UGGT2: variants seen among roughly 807,000 people sequenced by gnomAD.
The protein encoded by UGGT2 is UDP-glucose glycoprotein glucosyltransferase 2, also known as UDP-glucose:glycoprotein glucosyltransferase 2.
In UGGT2, 180 loss-of-function variants were observed where a neutral mutation model predicts 192.1. The observed-to-expected ratio is 0.94, with a 90% confidence interval of 0.83 to 1.06. The LOEUF is 1.06. Among genes scored for constraint, UGGT2 ranks in the 50% least tolerant of loss-of-function variants. UGGT2 has a pLI of 0.00. For missense variants in UGGT2, 1,849 were observed against 1,795.7 expected (o/e 1.03, Z -0.54); for synonymous variants, 580 against 591.0 (o/e 0.98, Z 0.27).
chr13:95,942,952 G>A (rs1337611122), intron 15 of UGGT2, among the ~76,000 whole-genome samples: 9 of 152,044 alleles, frequency 5.9e-5, no homozygotes, highest in Admixed American at 5.9e-4. Flanking sequence ...TTTACACAAG[G>A]TGTAAAGTCT....
intron 36 of UGGT2, among the ~76,000 whole-genome samples, chr13:95,843,177 G>T (rs1018559170): frequency 6.6e-6 from 1 of 152,154 alleles, no homozygotes; most frequent in Admixed American, 6.5e-5. Flanking sequence ...AAGTTAAACT[G>T]TAAAAGAAAT....
At chr13:95,837,009 T>A (rs1389890331) in intron 37 of UGGT2, 77 bp downstream of exon 37, 3 of 1,160,190 alleles carry the variant, frequency 2.6e-6, no homozygotes, top group African/African-American at 3.1e-5. Flanking sequence ...CCACTCCCTT[T>A]GTAAAACAGA....
chr13:95,890,402 GCT>G (rs1331932278), intron 25 of UGGT2, among the ~76,000 whole-genome samples: 1 of 152,124 alleles, frequency 6.6e-6, no homozygotes, highest in Non-Finnish European at 1.5e-5. Context: ...TCTGGAGAGA[GCT>G]CTCTTTCTAG....
intron 7 of UGGT2, among the ~76,000 whole-genome samples, chr13:95,993,406 A>T (rs59735887): frequency 0.021 from 3,265 of 152,266 alleles, 115 homozygotes; most frequent in African/African-American, 0.075. Context: ...GAAATAAAAT[A>T]AAATTAAATT....
chr13:96,052,389 G>T (rs568712406), intron 1 of UGGT2, among the ~76,000 whole-genome samples: 89 of 151,996 alleles, frequency 5.9e-4, no homozygotes, highest in Admixed American at 1.4e-3. Context: ...GGGGTGATGG[G>T]TGTACCAAAA....
At chr13:95,906,447 G>GA (rs1366901617) in intron 20 of UGGT2, among the ~76,000 whole-genome samples, 1 of 151,912 alleles carries the variant, frequency 6.6e-6, no homozygotes, top group Non-Finnish European at 1.5e-5. Context: ...TAAAAAGACT[G>GA]AAAAAAATGA....
At chr13:96,004,477 T>C (rs1245910338) in intron 5 of UGGT2, among the ~76,000 whole-genome samples, 4 of 152,100 alleles carry the variant, frequency 2.6e-5, no homozygotes, top group African/African-American at 9.7e-5. Flanking sequence ...GGTATAAAAA[T>C]ACAGTTAGGA....
rs770491985 is a variant in UGGT2 at position 95,887,959 on chromosome 13, T to C, written c.2971A>G (p.Ile991Val). The C allele has an allele frequency of 1.2e-6, 2 of 1,601,486 alleles. No individual in the cohort carries two copies. The highest frequency in any genetic ancestry group is 2.3e-5 in the South Asian group (2 of 88,104). The change falls in exon 26 of 39, where the codon ATT becomes GTT. Residue 991 changes from isoleucine to valine, a missense_variant. Ile to Val is a conservative substitution (Grantham distance 29). Transcript: ENST00000376747. ...MAQLLVVLGK[I>V]INMKIKLFMN... ...AACAACTTTATCTTCATGTTGATAA[T>C]CTTGCCAAGTACCTATTGGAAAGAA...
At chr13:96,006,575 G>C (rs995767167) in intron 5 of UGGT2, among the ~76,000 whole-genome samples, 3 of 131,420 alleles carry the variant, frequency 2.3e-5, no homozygotes, top group African/African-American at 8.9e-5. Flanking sequence ...AGTGAGCTGA[G>C]ATTGCACCAC....
At chr13:96,011,963 T>A (rs2052175446) in intron 5 of UGGT2, among the ~76,000 whole-genome samples, 1 of 152,092 alleles carries the variant, frequency 6.6e-6, no homozygotes, top group East Asian at 1.9e-4. Context: ...CAACTAATTC[T>A]AAAATTAACA....
intron 17 of UGGT2, among the ~76,000 whole-genome samples, chr13:95,933,348 G>C (rs910586894): frequency 6.6e-6 from 1 of 152,148 alleles, no homozygotes; most frequent in African/African-American, 2.4e-5. Context: ...AGATTTTCCA[G>C]TTTGTATGCA....
At chr13:95,901,295 C>T (rs1301997292) in intron 21 of UGGT2, among the ~76,000 whole-genome samples, 1 of 151,926 alleles carries the variant, frequency 6.6e-6, no homozygotes, top group Non-Finnish European at 1.5e-5. Context: ...TTATTTGGTA[C>T]TATCAATTTA....
chr13:95,823,775 T>C (rs1885740354), intron 38 of UGGT2, among the ~76,000 whole-genome samples: 1 of 152,240 alleles, frequency 6.6e-6, no homozygotes, highest in South Asian at 2.1e-4. Context: ...AATAGAGATA[T>C]GGGGTAATGT....
At chr13:95,876,659 G>C (rs1392402872) in intron 29 of UGGT2, among the ~76,000 whole-genome samples, 1 of 152,150 alleles carries the variant, frequency 6.6e-6, no homozygotes, top group East Asian at 1.9e-4. Flanking sequence ...AAGGAGTAAT[G>C]CATGTAATGT....
chr13:95,945,574 CAG>C (rs1472242817), intron 15 of UGGT2, among the ~76,000 whole-genome samples: 11 of 152,152 alleles, frequency 7.2e-5, no homozygotes, highest in Admixed American at 1.3e-4. Flanking sequence ...ACTTACAAAA[CAG>C]AGATTCAATA....
In UGGT2 at chr13:95,940,027, T is replaced by C; in HGVS notation, c.1742A>G (p.Gln581Arg). The change falls in exon 16 of 39, where the codon CAA becomes CGA. Residue 581 changes from glutamine (Q) to arginine (R), a missense_variant. Gln to Arg is a conservative substitution (Grantham distance 43, BLOSUM62 1). Coordinates refer to ENST00000376747, the MANE Select transcript of UGGT2 (RefSeq NM_020121.4). ...AATATTAGCATGAGGAAATGTATTT[T>C]GGAGAACACTCTTCACATTGTCCAC... The part of the protein sequence containing the change: ...LTVDNVKSVL[Q>R]NTFPHANIWD... 2 of 1,599,364 alleles carry C rather than the reference T, an allele frequency of 1.3e-6. No homozygotes were observed. Among genetic ancestry groups the C allele is most frequent in the South Asian group, 2.3e-5 (2 of 88,784 alleles).
At chr13:96,000,478 T>C (rs572222225) in intron 5 of UGGT2, among the ~76,000 whole-genome samples, 79 of 152,206 alleles carry the variant, frequency 5.2e-4, no homozygotes, top group Non-Finnish European at 8.8e-4. Context: ...AGGCCCACAT[T>C]ATATGAAAGA....
chr13:95,820,348 A>C (rs1260242813), intron 38 of UGGT2, among the ~76,000 whole-genome samples: 1 of 152,126 alleles, frequency 6.6e-6, no homozygotes, highest in Non-Finnish European at 1.5e-5. Flanking sequence ...TACTCCCCTA[A>C]AAAGCCCCAT....
chr13:95,883,995 G>A (rs138104464), intron 27 of UGGT2, among the ~76,000 whole-genome samples: 56 of 137,274 alleles, frequency 4.1e-4, no homozygotes, highest in Non-Finnish European at 7.7e-4. Context: ...GTAGTATACC[G>A]CAAATTTTGT....
Sources: gnomAD v4.1 joint callset for allele counts (sites outside exome capture counted in the v4.1 genomes callset) on GRCh38, gnomAD v4.1.1 for gene constraint, MANE v1.5 for transcripts, NCBI Gene and HGNC (gene_info 2026-07-23, HGNC 2026-07-21) for gene names.